Variants in CYRIA observed in about 807,000 individuals in gnomAD.
The protein encoded by CYRIA is CYFIP related Rac1 interactor A.
A neutral mutation model predicts 43.9 loss-of-function variants in CYRIA; 15 were observed. That is an observed-to-expected ratio of 0.34 (90% CI 0.23 to 0.53). The LOEUF (loss-of-function observed/expected upper bound fraction) is 0.53. Ranked by LOEUF, CYRIA falls within the 20% of genes least tolerant of loss-of-function variation. CYRIA has a pLI of 0.94. For missense variants in CYRIA, 236 were observed against 394.2 expected (o/e 0.60, Z 3.40); for synonymous variants, 117 against 136.0 (o/e 0.86, Z 0.97).
chr2:16,637,279 T>G (rs4832667), intron 1 of CYRIA, among the ~76,000 whole-genome samples: 31,386 of 152,134 alleles, frequency 0.21, 5,514 homozygotes, highest in East Asian at 0.61. Flanking sequence ...TCCCCCTAAA[T>G]TCATAGGTTG....
intron 9 of CYRIA, 117 bp from the exon 10 acceptor site, chr2:16,559,703 T>G: frequency 8.9e-7 from 1 of 1,127,726 alleles, no homozygotes; most frequent in Non-Finnish European, 1.2e-6. Context: ...ATCCCAGACC[T>G]GCAACAACCA....
chr2:16,583,107 C>T (rs1667606926), intron 3 of CYRIA, among the ~76,000 whole-genome samples: 2 of 152,178 alleles, frequency 1.3e-5, no homozygotes, highest in South Asian at 4.1e-4. Flanking sequence ...TCCTTCATGA[C>T]TAATGATAGT....
At chr2:16,661,868 G>A (rs78981189) in intron 1 of CYRIA, among the ~76,000 whole-genome samples, 346 of 152,150 alleles carry the variant, frequency 2.3e-3, no homozygotes, top group African/African-American at 8.1e-3. Context: ...TTTCTTAACT[G>A]TAAAATGGGG....
intron 1 of CYRIA, among the ~76,000 whole-genome samples, chr2:16,643,347 T>G (rs909394687): frequency 6.6e-6 from 1 of 151,898 alleles, no homozygotes; most frequent in Non-Finnish European, 1.5e-5. Context: ...AGGGGGAGCT[T>G]GAGGAGCCAG....
intron 2 of CYRIA, among the ~76,000 whole-genome samples, chr2:16,590,458 T>C (rs1000220843): frequency 1.3e-5 from 2 of 152,176 alleles, no homozygotes; most frequent in Non-Finnish European, 2.9e-5. Context: ...GGTGTCTTAG[T>C]TTTGTGCTAT....
intron 4 of CYRIA, among the ~76,000 whole-genome samples, chr2:16,564,707 T>C (rs112133821): frequency 0.01 from 1,578 of 152,242 alleles, 24 homozygotes; most frequent in African/African-American, 0.036. Context: ...GGCATGCGTA[T>C]ATGTATGTGT....
chr2:16,639,541 T>G (rs888574), intron 1 of CYRIA, among the ~76,000 whole-genome samples: 17,884 of 152,290 alleles, frequency 0.12, 2,000 homozygotes, highest in East Asian at 0.61. Context: ...ACCTGCAGTG[T>G]GGGGCAGTCT....
chr2:16,660,211 C>T (rs984106893), intron 1 of CYRIA, among the ~76,000 whole-genome samples: 1 of 152,168 alleles, frequency 6.6e-6, no homozygotes, highest in Non-Finnish European at 1.5e-5. Flanking sequence ...ACTTTCAAGT[C>T]ATCAAATCCA....
chr2:16,563,639 G>C (rs1572459290), intron 5 of CYRIA, among the ~76,000 whole-genome samples: 1 of 152,152 alleles, frequency 6.6e-6, no homozygotes, highest in African/African-American at 2.4e-5. Context: ...AGACAAGCAA[G>C]TTATTTGTTG....
At chr2:16,647,697 T>C (rs1291383919) in intron 1 of CYRIA, among the ~76,000 whole-genome samples, 1 of 152,188 alleles carries the variant, frequency 6.6e-6, no homozygotes, top group African/African-American at 2.4e-5. Context: ...CATCTTGGGC[T>C]CTCCCCACTT....
chr2:16,553,129 CTCA>C, intron 11 of CYRIA, 130 bp from the exon 12 acceptor site: 1 of 671,390 alleles, frequency 1.5e-6, no homozygotes, highest in South Asian at 1.7e-5. Flanking sequence ...CACTTCAATG[CTCA>C]CAGTCATCTC....
chr2:16,661,968 T>G (rs1432619392), intron 1 of CYRIA, among the ~76,000 whole-genome samples: 1 of 152,230 alleles, frequency 6.6e-6, no homozygotes, highest in Non-Finnish European at 1.5e-5. Context: ...AAGTTCAACA[T>G]GCTCAGAATA....
intron 2 of CYRIA, among the ~76,000 whole-genome samples, chr2:16,610,779 T>C (rs1668564643): frequency 6.6e-6 from 1 of 151,738 alleles, no homozygotes; most frequent in Admixed American, 6.6e-5. Context: ...CTTAGTTACC[T>C]AACTACCCAC....
At chr2:16,554,911 T>A (rs1229116320) in intron 11 of CYRIA, among the ~76,000 whole-genome samples, 158 bp downstream of exon 11, 1 of 152,154 alleles carries the variant, frequency 6.6e-6, no homozygotes, top group African/African-American at 2.4e-5. Context: ...AAAATGGGAA[T>A]GATAAAAATG....
rs116969184 is a variant in CYRIA, at chr2:16,612,545, A to G, written c.-11+11319T>C. Among the ~76,000 whole-genome samples the G allele has an allele frequency of 1.5e-3, 232 of 152,326 alleles. 6 individuals carry two copies. The South Asian group carries it at 0.034, about 22-fold the overall frequency. On this transcript the variant is annotated intron_variant, in intron 2 of 11. Transcript: ENST00000381323. ...TGAAATATGTCCTCAATGATGCACA[A>G]ATTAACTTCTAAAAAAGACAGCAGG...
At chr2:16,633,406 TTTTA>T (rs138574548) in intron 1 of CYRIA, among the ~76,000 whole-genome samples, 66,577 of 151,150 alleles carry the variant, frequency 0.44, 17,353 homozygotes, top group East Asian at 0.94. Flanking sequence ...GTCTCATGAC[TTTTA>T]TTTATTTATT....
chr2:16,568,689 GATGT>G (rs1354268585), intron 3 of CYRIA, among the ~76,000 whole-genome samples: 1 of 152,166 alleles, frequency 6.6e-6, no homozygotes, highest in Non-Finnish European at 1.5e-5. Flanking sequence ...GTTTCCTAGA[GATGT>G]ATGTATTTGG....
intron 1 of CYRIA, among the ~76,000 whole-genome samples, chr2:16,657,965 T>C (rs1670161244): frequency 6.6e-6 from 1 of 152,178 alleles, no homozygotes; most frequent in African/African-American, 2.4e-5. Context: ...CGAATGTGTA[T>C]GTGTCAAAAA....
chr2:16,573,692 A>G (rs1475217985), intron 3 of CYRIA, among the ~76,000 whole-genome samples: 1 of 152,188 alleles, frequency 6.6e-6, no homozygotes. Flanking sequence ...TGATGGTTTT[A>G]TAAAGAGGAG....
Sources: gnomAD v4.1 joint callset for allele counts (sites outside exome capture counted in the v4.1 genomes callset) on GRCh38, gnomAD v4.1.1 for gene constraint, MANE v1.5 for transcripts, NCBI Gene and HGNC (gene_info 2026-07-23, HGNC 2026-07-21) for gene names.